The following CRYBG3 variants were observed in gnomAD, a reference collection of about 807,000 sequenced individuals.
CRYBG3 encodes very large A-kinase anchor protein.
In CRYBG3, 127 loss-of-function variants were observed where a neutral mutation model predicts 244.2. That is an observed-to-expected ratio of 0.52 (90% CI 0.45 to 0.60). The LOEUF (loss-of-function observed/expected upper bound fraction) is 0.60. Ranked by LOEUF, CRYBG3 falls within the 20% of genes least tolerant of loss-of-function variation. The pLI, the probability that CRYBG3 is intolerant of heterozygous loss-of-function variation, is 0.00. For synonymous variants in CRYBG3, 1,132 were observed against 1,195.8 expected, an observed-to-expected ratio of 0.95 and a Z score of 1.10; for missense variants, 3,325 against 3,442.5, an observed-to-expected ratio of 0.97 and a Z score of 0.85.
At chr3:97,859,328 A>G (rs2039112433) in intron 2 of CRYBG3, among the ~76,000 whole-genome samples, 1 of 152,142 alleles carries the variant, frequency 6.6e-6, no homozygotes, top group South Asian at 2.1e-4. Context: ...CCACTGCTCA[A>G]GGGGGCAGGG....
At position 97,873,134 on chromosome 3, in the gene CRYBG3, G is replaced by C; in HGVS notation, c.1940G>C (p.Cys647Ser). 6.5e-7 allele frequency: 1 copy of C among 1,535,740 alleles called. No homozygotes were observed. Among genetic ancestry groups the C allele is most frequent in the African/African-American group, 1.4e-5 (1 of 73,126 alleles). ...GCTAAAACATCTCTTAGCCTTGACT[G>C]TAAAAAACTAAATTTCAGTATTTCA... Reference protein sequence around the residue: ...PDAKTSLSLDCKKLNFSISPP... With the variant: ...PDAKTSLSLDSKKLNFSISPP... Residue 647 changes from cysteine (C) to serine (S), a missense_variant, in exon 4 of 22, where the codon TGT (cysteine) becomes TCT (serine). Coordinates refer to ENST00000389622, the MANE Select transcript of CRYBG3 (RefSeq NM_153605.4).
intron 20 of CRYBG3, 35 bp from the exon 21 acceptor site, chr3:97,942,249 A>G: frequency 6.4e-7 from 1 of 1,567,602 alleles, no homozygotes; most frequent in Non-Finnish European, 8.7e-7. Flanking sequence ...TAGCAAACAT[A>G]CTACTGCCAA....
At position 97,877,922 on chromosome 3, in the gene CRYBG3, C is replaced by A; in HGVS notation, c.6728C>A (p.Thr2243Asn). Residue 2243 changes from threonine to asparagine, a missense_variant, in exon 4 of 22, where the codon ACT (threonine) becomes AAT (asparagine). Thr to Asn is a moderately conservative substitution (Grantham distance 65). Transcript: ENST00000389622. The stretch of plus-strand genomic sequence containing the variant: ...AGTGCTTATCATCAGTATCTGCAGA[C>A]TTCCCAAAGTCATTCCTCAGAAAAA... ...LKSAYHQYLQ[T>N]SQSHSSEKGA... 1 of 1,614,108 alleles carries A rather than the reference C, an allele frequency of 6.2e-7. No individual in the cohort carries two copies.
At position 97,875,794 on chromosome 3, in the gene CRYBG3, A is replaced by G. The variant is rs571488368; in HGVS notation, c.4600A>G (p.Ile1534Val). Residue 1534 changes from isoleucine (I) to valine (V), a missense_variant, in exon 4 of 22, where the codon ATA becomes GTA. Coordinates refer to ENST00000389622, the MANE Select transcript of CRYBG3 (RefSeq NM_153605.4). Reference protein sequence around the residue: ...KVHKKDNEINIGKIELIPSML... With the variant: ...KVHKKDNEINVGKIELIPSML... ...ACACAAGAAGGATAATGAAATAAAT[A>G]TAGGGAAAATTGAACTTATACCTTC... 32 of 1,231,668 alleles carry G rather than the reference A, an allele frequency of 2.6e-5. No homozygotes were observed. In the South Asian group the frequency reaches 1.0e-3, roughly 40 times the overall value. 76.3% of individuals were successfully genotyped at this position (1,231,668 alleles called of 1,614,324 possible).
rs137956925 is a variant in CRYBG3 at position 97,844,736 on chromosome 3, C to T, written c.216+1475C>T. Among the ~76,000 whole-genome samples the T allele has an allele frequency of 7.7e-4, 118 of 152,326 alleles. 1 individual carries two copies. The highest frequency in any genetic ancestry group is 2.6e-3 in the African/African-American group (109 of 41,580). On this transcript the variant is annotated intron_variant, in intron 2 of 21. Coordinates refer to ENST00000389622, the MANE Select transcript of CRYBG3 (RefSeq NM_153605.4). ...CCACCTGCAGAGGCTCTGAAAGTTA[C>T]ATCTTTGTGGATTCAGTAAATATAT...
At chr3:97,924,120 G>T in intron 17 of CRYBG3, 1 of 272,556 alleles carries the variant, frequency 3.7e-6, no homozygotes, top group South Asian at 3.4e-5. Context: ...GAATAGGGTA[G>T]CATGGAAACT....
chr3:97,833,079 A>T (rs1173784268), intron 1 of CRYBG3, among the ~76,000 whole-genome samples: 1 of 152,172 alleles, frequency 6.6e-6, no homozygotes, highest in Non-Finnish European at 1.5e-5. Flanking sequence ...ACTGGAGAGG[A>T]TGTGGAGAAA....
intron 2 of CRYBG3, among the ~76,000 whole-genome samples, chr3:97,862,924 T>C (rs2039171906): frequency 6.6e-6 from 1 of 152,226 alleles, no homozygotes; most frequent in Non-Finnish European, 1.5e-5. Context: ...ATCAGTTTGC[T>C]GAGTTAATAA....
Position 97,874,514 on chromosome 3 carries a change from C to T in CRYBG3, c.3320C>T (p.Thr1107Ile), listed in dbSNP as rs2039346966. 2 of 1,534,884 alleles carry T rather than the reference C, an allele frequency of 1.3e-6. No homozygotes were observed. Among genetic ancestry groups the T allele is most frequent in the East Asian group, 4.9e-5 (2 of 40,916 alleles). The change falls in exon 4 of 22, where the codon ACC (threonine) becomes ATC (isoleucine). Residue 1107 changes from threonine (T) to isoleucine (I), a missense_variant. Coordinates refer to ENST00000389622, the MANE Select transcript of CRYBG3 (RefSeq NM_153605.4). ...GTAACTAACCTGTTGTACCCTACTACCTCTTATTTGGAATTTGAAACGTCT... is the reference window on the plus strand; with the variant it reads ...GTAACTAACCTGTTGTACCCTACTATCTCTTATTTGGAATTTGAAACGTCT... ...TSVTNLLYPTTSYLEFETSVS... is the reference protein window; with the variant it reads ...TSVTNLLYPTISYLEFETSVS...
chr3:97,935,011 T>A (rs1252370831), intron 18 of CRYBG3, among the ~76,000 whole-genome samples: 1 of 152,026 alleles, frequency 6.6e-6, no homozygotes, highest in African/African-American at 2.4e-5. Context: ...CTCTCACTAT[T>A]CCAAATTCTC....
At chr3:97,831,735 A>G (rs2038656587) in intron 1 of CRYBG3, among the ~76,000 whole-genome samples, 1 of 152,154 alleles carries the variant, frequency 6.6e-6, no homozygotes, top group Non-Finnish European at 1.5e-5. Flanking sequence ...TATACTTTAA[A>G]ATAGCTAGAA....
Position 97,876,797 on chromosome 3 carries a change from A to G in CRYBG3, c.5603A>G (p.Asp1868Gly). Reference protein sequence around the residue: ...GKHKVLPAVVDIEKIHGTGLE... With the variant: ...GKHKVLPAVVGIEKIHGTGLE... ...CACAAAGTGTTACCCGCAGTGGTAG[A>G]CATTGAGAAAATACATGGAACAGGA... Residue 1868 changes from aspartate (D) to glycine (G), a missense_variant, in exon 4 of 22, where the codon GAC (aspartate) becomes GGC (glycine). Around this residue, in one of 4 missense-constraint regions of CRYBG3, gnomAD observed 635 missense variants for 771.7 expected, o/e 0.82. Transcript: ENST00000389622. The G allele has an allele frequency of 7.7e-7, 1 of 1,296,998 alleles. No individual in the cohort carries two copies. The highest frequency in any genetic ancestry group is 9.7e-7 in the Non-Finnish European group (1 of 1,025,900). The allele number at this position is 1,296,998 out of a possible 1,614,324, so 80.3% of individuals were successfully genotyped here.
chr3:97,912,567 G>A (rs542108940), intron 16 of CRYBG3, among the ~76,000 whole-genome samples: 158 of 152,098 alleles, frequency 1.0e-3, no homozygotes, highest in Non-Finnish European at 1.8e-3. Flanking sequence ...TATATTTACC[G>A]TCTCACATAG....
intron 17 of CRYBG3, among the ~76,000 whole-genome samples, chr3:97,922,157 G>C (rs1005347636): frequency 6.6e-6 from 1 of 152,138 alleles, no homozygotes; most frequent in Non-Finnish European, 1.5e-5. Flanking sequence ...GAAGGAATGA[G>C]TTTATAAAGT....
intron 2 of CRYBG3, among the ~76,000 whole-genome samples, chr3:97,860,364 TTG>T (rs952631657): frequency 2.6e-5 from 4 of 152,062 alleles, no homozygotes; most frequent in Admixed American, 1.3e-4. Flanking sequence ...TAGGTGTGTG[TTG>T]TGTGTGTATT....
intron 17 of CRYBG3, among the ~76,000 whole-genome samples, chr3:97,925,675 A>G (rs1187195651): frequency 6.6e-6 from 1 of 152,104 alleles, no homozygotes; most frequent in Non-Finnish European, 1.5e-5. Flanking sequence ...GAAAAGATTT[A>G]CAACTTGAGC....
intron 2 of CRYBG3, among the ~76,000 whole-genome samples, chr3:97,848,493 A>G (rs566282498): frequency 2.0e-5 from 3 of 152,144 alleles, no homozygotes; most frequent in African/African-American, 4.8e-5. Flanking sequence ...AGTAGAGACA[A>G]GGTTTCACCG....
intron 17 of CRYBG3, among the ~76,000 whole-genome samples, chr3:97,926,847 T>A (rs1307527564): frequency 1.3e-5 from 2 of 151,882 alleles, no homozygotes; most frequent in African/African-American, 4.8e-5. Flanking sequence ...AATATCTAGA[T>A]ATACAGCTCA....
At position 97,872,149 on chromosome 3, in the gene CRYBG3, A is replaced by C. The variant is rs959777095; in HGVS notation, c.955A>C (p.Asn319His). The C allele has an allele frequency of 7.8e-6, 12 of 1,536,034 alleles. No homozygotes were observed. The highest frequency in any genetic ancestry group is 2.0e-5 in the Admixed American group (1 of 50,994). ...TSFNKENSLT[N>H]NPELQNIASS... Reference sequence around the variant, plus strand: ...TTTCAACAAGGAAAATTCTTTGACAAATAACCCAGAACTGCAGAATATTGC... The same window carrying C: ...TTTCAACAAGGAAAATTCTTTGACACATAACCCAGAACTGCAGAATATTGC... Residue 319 changes from asparagine (N) to histidine (H), a missense_variant, in exon 4 of 22, where the codon AAT becomes CAT. Transcript: ENST00000389622.
Sources: gnomAD v4.1 joint callset for allele counts (sites outside exome capture counted in the v4.1 genomes callset) on GRCh38, gnomAD v4.1.1 for gene constraint, gnomAD v4.1.1 regional missense constraint, MANE v1.5 for transcripts, NCBI Gene and HGNC (gene_info 2026-07-23, HGNC 2026-07-21) for gene names.